The following SOS2 variants were observed in gnomAD, a reference collection of about 807,000 sequenced individuals.
SOS2 encodes son of sevenless homolog 2.
Under a neutral mutation model 148.2 loss-of-function variants are expected in SOS2, and 65 were observed. That is an observed-to-expected ratio of 0.44 (90% confidence interval 0.36 to 0.54). The LOEUF is 0.54. Among genes scored for constraint, SOS2 ranks in the 20% least tolerant of loss-of-function variants. SOS2 has a pLI of 0.00. For synonymous variants in SOS2, 539 were observed against 537.1 expected, an observed-to-expected ratio of 1.00 and a Z score of -0.05; for missense variants, 1,341 against 1,590.2, an observed-to-expected ratio of 0.84 and a Z score of 2.67.
chr14:50,176,966 C>T (rs1328207675), intron 7 of SOS2, among the ~76,000 whole-genome samples: 3 of 152,268 alleles, frequency 2.0e-5, no homozygotes, highest in East Asian at 1.9e-4. Flanking sequence ...GCCAAGATCG[C>T]GCCACTGCAC....
chr14:50,156,882 G>A lies in SOS2; in HGVS notation c.2057+117C>T, dbSNP rs762157644. On this transcript the variant is annotated intron_variant, in intron 12 of 22. Transcript: ENST00000216373. The stretch of plus-strand genomic sequence containing the variant: ...GAAGTTAAAAATATTCCCTATATTT[G>A]AATTAAAAGCTGAGAGCTTTTGTGT... 3.9e-5 allele frequency: 20 copies of A among 513,524 alleles called. 1 individual carries two copies. Among genetic ancestry groups the A allele is most frequent in the Non-Finnish European group, 5.8e-5 (18 of 310,422 alleles). 31.8% of individuals were successfully genotyped at this position (513,524 alleles called of 1,614,324 possible). A position where few individuals can be genotyped will look rare whatever the true frequency, so the allele number is the denominator to read the frequency against.
intron 1 of SOS2, among the ~76,000 whole-genome samples, chr14:50,221,196 A>ATT (rs754042023): frequency 6.6e-6 from 1 of 151,852 alleles, no homozygotes; most frequent in Non-Finnish European, 1.5e-5. Context: ...GACAACAAAG[A>ATT]TTTTTTTTTC....
At chr14:50,212,951 C>T (rs772343851) in intron 1 of SOS2, among the ~76,000 whole-genome samples, 8 of 152,220 alleles carry the variant, frequency 5.3e-5, no homozygotes, top group African/African-American at 1.9e-4. Flanking sequence ...GCCATGCTAA[C>T]GTGACATTCT....
At chr14:50,171,749 T>C (rs966780922) in intron 8 of SOS2, among the ~76,000 whole-genome samples, 2 of 150,388 alleles carry the variant, frequency 1.3e-5, no homozygotes, top group African/African-American at 2.4e-5. Flanking sequence ...AAATAAAATA[T>C]GGTATAACAC....
At chr14:50,178,662 GTGTGTGTGCATATATATATA>G (rs1299363969) in intron 7 of SOS2, among the ~76,000 whole-genome samples, 3 of 16,712 alleles carry the variant, frequency 1.8e-4, no homozygotes, top group Admixed American at 9.5e-4. Context: ...GTGTGTGTGT[GTGTGTGTGCATATATATATA>G]TATATATATA....
chr14:50,225,753 T>G (rs1887353312), intron 1 of SOS2, among the ~76,000 whole-genome samples: 1 of 152,210 alleles, frequency 6.6e-6, no homozygotes, highest in South Asian at 2.1e-4. Context: ...TGGCTTTGAC[T>G]TGAAGTAATC....
chr14:50,171,783 C>A (rs544570997), intron 8 of SOS2, among the ~76,000 whole-genome samples: 1 of 151,144 alleles, frequency 6.6e-6, no homozygotes, highest in African/African-American at 2.4e-5. Context: ...TATCATCTCT[C>A]AAAGTTTATT....
intron 21 of SOS2, among the ~76,000 whole-genome samples, chr14:50,123,834 G>A (rs1185027394): frequency 3.9e-5 from 6 of 152,204 alleles, no homozygotes; most frequent in Non-Finnish European, 8.8e-5. Context: ...TGGTGGCTTG[G>A]ACCAGGGTGG....
intron 4 of SOS2, among the ~76,000 whole-genome samples, chr14:50,189,105 A>ACG (rs1886028002): frequency 6.8e-6 from 1 of 146,412 alleles, no homozygotes; most frequent in East Asian, 2.0e-4. Context: ...ACACACACGC[A>ACG]CACACAAATA....
intron 21 of SOS2, among the ~76,000 whole-genome samples, chr14:50,120,817 G>A (rs981792401): frequency 3.7e-5 from 5 of 134,680 alleles, no homozygotes; most frequent in African/African-American, 1.4e-4. Context: ...TCGGCTCACT[G>A]CAACCTCCGC....
intron 3 of SOS2, among the ~76,000 whole-genome samples, chr14:50,200,504 T>C (rs1159791614): frequency 6.6e-6 from 1 of 152,102 alleles, no homozygotes; most frequent in Non-Finnish European, 1.5e-5. Flanking sequence ...AATCATGGCC[T>C]ACTACATAGG....
intron 4 of SOS2, among the ~76,000 whole-genome samples, chr14:50,193,439 A>T (rs1272682229): frequency 2.0e-5 from 3 of 152,180 alleles, no homozygotes; most frequent in Admixed American, 6.5e-5. Flanking sequence ...ATATACTAGA[A>T]GTTAAATTCT....
At position 50,129,993 on chromosome 14, in the gene SOS2, C is replaced by T. The variant is rs1164424709; in HGVS notation, c.3347G>A (p.Ser1116Asn). 3 of 1,586,086 alleles carry T rather than the reference C, an allele frequency of 1.9e-6. No homozygotes were observed. Among genetic ancestry groups the T allele is most frequent in the Non-Finnish European group, 2.6e-6 (3 of 1,159,042 alleles). The change falls in exon 21 of 23, where the codon AGC becomes AAC. Residue 1116 changes from serine (S) to asparagine (N), a missense_variant. Physicochemically the swap from Ser to Asn is conservative, Grantham distance 46. Around this residue, in one of 4 missense-constraint regions of SOS2, gnomAD observed 354 missense variants for 347.7 expected, o/e 1.02. Transcript: ENST00000216373. ...TGGCAAAAGCACTGGAGCAAAGATGCTATTGCTGCCTATTGGAATAAGAAA... is the reference window on the plus strand; with the variant it reads ...TGGCAAAAGCACTGGAGCAAAGATGTTATTGCTGCCTATTGGAATAAGAAA... ...VDLNSSCGSN[S>N]IFAPVLLPHS...
At chr14:50,225,659 C>T (rs1166005700) in intron 1 of SOS2, among the ~76,000 whole-genome samples, 2 of 152,156 alleles carry the variant, frequency 1.3e-5, no homozygotes, top group East Asian at 1.9e-4. Context: ...ATGACTCCCT[C>T]GAGTTCTACT....
At position 50,156,925 on chromosome 14, in the gene SOS2, C is replaced by T. The variant is rs1842552602; in HGVS notation, c.2057+74G>A. On this transcript the variant is annotated intron_variant, in intron 12 of 22. Coordinates refer to ENST00000216373, the MANE Select transcript of SOS2 (RefSeq NM_006939.4). ...TTTTGTGTTAACTATATATTGAAAA[C>T]TGACACATAAAATGTGTGTGTGTGT... 3 of 884,720 alleles carry T rather than the reference C, an allele frequency of 3.4e-6. No homozygotes were observed. In the East Asian group the frequency reaches 8.8e-5, roughly 26 times the overall value. The allele number at this position is 884,720 out of a possible 1,614,324, so 54.8% of individuals were successfully genotyped here. A position where few individuals can be genotyped will look rare whatever the true frequency, so the allele number is the denominator to read the frequency against.
Position 50,209,080 on chromosome 14 carries a change from T to C in SOS2, c.88-4671A>G, listed in dbSNP as rs73291636. ...ATTCTTTCTCTCTGCCTGACTGTAT[T>C]TGAGCTGGGACACCGGTCTTCTGCC... is the stretch of plus-strand genomic sequence containing the variant. On this transcript the variant is annotated intron_variant, in intron 1 of 22. Coordinates refer to ENST00000216373, the MANE Select transcript of SOS2 (RefSeq NM_006939.4). Among the ~76,000 whole-genome samples, 744 of 152,318 alleles carry C rather than the reference T, an allele frequency of 4.9e-3. 7 individuals are homozygous for C. Among genetic ancestry groups the C allele is most frequent in the African/African-American group, 0.017 (706 of 41,574 alleles).
intron 14 of SOS2, among the ~76,000 whole-genome samples, chr14:50,147,641 C>A (rs1884533296): frequency 6.6e-6 from 1 of 151,470 alleles, no homozygotes; most frequent in African/African-American, 2.4e-5. Flanking sequence ...GTAGTGCTTT[C>A]TTAGGGGAAA....
At chr14:50,224,527 G>A (rs1887307110) in intron 1 of SOS2, among the ~76,000 whole-genome samples, 2 of 152,014 alleles carry the variant, frequency 1.3e-5, no homozygotes, top group South Asian at 2.1e-4. Flanking sequence ...AAAAAAAGAA[G>A]AGATCAACTG....
intron 7 of SOS2, among the ~76,000 whole-genome samples, chr14:50,175,925 G>C (rs1234165326): frequency 6.6e-6 from 1 of 152,068 alleles, no homozygotes; most frequent in Non-Finnish European, 1.5e-5. Context: ...TTCTTACTAG[G>C]ATACACAAAA....
Sources: allele counts gnomAD v4.1 joint callset (sites outside exome capture counted in the v4.1 genomes callset), GRCh38; gene constraint gnomAD v4.1.1; regional missense constraint gnomAD v4.1.1; transcripts MANE v1.5; gene names NCBI Gene and HGNC (gene_info 2026-07-23, HGNC 2026-07-21).